GAREM1: variants seen among roughly 807,000 people sequenced by gnomAD.
GAREM1 encodes GRB2-associated and regulator of MAPK protein 1.
A neutral mutation model predicts 71.3 loss-of-function variants in GAREM1; 26 were observed. The ratio of observed to expected loss-of-function variants is 0.36; its 90% CI spans 0.27 to 0.51. The LOEUF is 0.51. GAREM1 is among the 20% of genes least tolerant of loss of function. The pLI is 0.95. For synonymous variants in GAREM1, 440 were observed against 433.2 expected (o/e 1.02, Z -0.20); for missense variants, 1,026 against 1,103.1 (o/e 0.93, Z 0.99).
intron 2 of GAREM1, among the ~76,000 whole-genome samples, chr18:32,383,818 G>A (rs62093963): frequency 6.6e-6 from 1 of 151,910 alleles, no homozygotes. Context: ...CAATTTTTGT[G>A]GGTTTTTTTT....
At chr18:32,270,557 A>C (rs2041445720) in intron 4 of GAREM1, among the ~76,000 whole-genome samples, 174 bp from the exon 5 acceptor site, 2 of 152,222 alleles carry the variant, frequency 1.3e-5, no homozygotes, top group South Asian at 4.1e-4. Context: ...AGGCTGCCAG[A>C]GAGCAAATCA....
intron 3 of GAREM1, among the ~76,000 whole-genome samples, chr18:32,302,977 G>A (rs1011869300): frequency 1.3e-5 from 2 of 152,232 alleles, no homozygotes; most frequent in Admixed American, 6.5e-5. Context: ...TGACAAGGCT[G>A]TCACCTCAGC....
chr18:32,385,400 A>G (rs2048136394), intron 2 of GAREM1, among the ~76,000 whole-genome samples: 1 of 151,778 alleles, frequency 6.6e-6, no homozygotes, highest in Non-Finnish European at 1.5e-5. Context: ...TTCAACACTT[A>G]AAAGACTCTT....
intron 1 of GAREM1, among the ~76,000 whole-genome samples, chr18:32,414,695 A>G (rs2048451777): frequency 6.6e-6 from 1 of 152,112 alleles, no homozygotes; most frequent in Non-Finnish European, 1.5e-5. Context: ...ACAACATACT[A>G]AAACCTACGG....
chr18:32,303,864 T>G (rs1468000136), intron 3 of GAREM1, among the ~76,000 whole-genome samples: 1 of 151,136 alleles, frequency 6.6e-6, no homozygotes, highest in East Asian at 1.9e-4. Context: ...AAGGCTGCAA[T>G]GAGCTATGAT....
Position 32,265,404 on chromosome 18 carries a change from C to T in GAREM1, c.*2467G>A, listed in dbSNP as rs759797145. On this transcript the variant is annotated 3_prime_UTR_variant, in exon 6 of 6. Transcript: ENST00000269209. Reference sequence around the variant, plus strand: ...GCTGACGTTTTAAAGACAGGACACACGTAATTCTCCATATACCCAGCTGCC... The same window carrying T: ...GCTGACGTTTTAAAGACAGGACACATGTAATTCTCCATATACCCAGCTGCC... 2.0e-5 allele frequency: 3 copies of T among 152,202 alleles called. No homozygotes were observed. The highest frequency in any genetic ancestry group is 2.1e-4 in the South Asian group (1 of 4,828). The allele number at this position is 152,202 out of a possible 1,614,324, so 9.4% of individuals were successfully genotyped here. A position where few individuals can be genotyped will look rare whatever the true frequency, so the allele number is the denominator to read the frequency against.
At chr18:32,373,609 T>A (rs577858940) in intron 2 of GAREM1, among the ~76,000 whole-genome samples, 16 of 152,306 alleles carry the variant, frequency 1.1e-4, no homozygotes, top group African/African-American at 3.6e-4. Flanking sequence ...AAATAAGGCA[T>A]CTGGAAGAAT....
chr18:32,328,417 T>C (rs1294765004), intron 2 of GAREM1, among the ~76,000 whole-genome samples: 2 of 152,164 alleles, frequency 1.3e-5, no homozygotes, highest in East Asian at 1.9e-4. Flanking sequence ...ACAGAGTAAA[T>C]AAGTAATAGC....
At chr18:32,405,788 T>C (rs1397664864) in intron 1 of GAREM1, among the ~76,000 whole-genome samples, 2 of 152,236 alleles carry the variant, frequency 1.3e-5, no homozygotes, top group East Asian at 1.9e-4. Context: ...AAAGTGAAGA[T>C]AGCACAGCTG....
chr18:32,435,103 G>A (rs1323829386), intron 1 of GAREM1, among the ~76,000 whole-genome samples: 5 of 151,654 alleles, frequency 3.3e-5, no homozygotes, highest in East Asian at 1.9e-4. Context: ...AATCCAAACC[G>A]AATGTCATTC....
chr18:32,376,073 A>G (rs1014496830), intron 2 of GAREM1, among the ~76,000 whole-genome samples: 4 of 152,270 alleles, frequency 2.6e-5, no homozygotes, highest in Non-Finnish European at 5.9e-5. Flanking sequence ...AATTAAAAGT[A>G]TAGTATGGAT....
At chr18:32,466,243 C>T (rs2048997960) in intron 1 of GAREM1, among the ~76,000 whole-genome samples, 1 of 151,646 alleles carries the variant, frequency 6.6e-6, no homozygotes, top group South Asian at 2.1e-4. Context: ...AAATATATTA[C>T]ACTGAGACAG....
Position 32,354,419 on chromosome 18 carries a change from T to C in GAREM1, c.262+38476A>G, listed in dbSNP as rs570593478. Among the ~76,000 whole-genome samples the C allele has an allele frequency of 4.6e-5, 7 of 152,214 alleles. No homozygotes were observed. In the South Asian group the frequency reaches 6.2e-4, roughly 14 times the overall value. ...AATACATGTTAAGAGAAAGGGGAGA[T>C]AGGCTATGGTTAGAACTGGAGTTTT... On this transcript the variant is annotated intron_variant, in intron 2 of 5. Transcript: ENST00000269209.
intron 1 of GAREM1, among the ~76,000 whole-genome samples, chr18:32,461,940 C>T (rs1024899896): frequency 2.0e-5 from 3 of 152,118 alleles, no homozygotes; most frequent in African/African-American, 7.2e-5. Flanking sequence ...AGCTGGTCTA[C>T]AAGAACTTGC....
In GAREM1 at chr18:32,267,828, C is replaced by A. The variant is rs779376585; in HGVS notation, c.*43G>T. On this transcript the variant is annotated 3_prime_UTR_variant, in exon 6 of 6. Transcript: ENST00000269209. ...GTCCCAGCCCACCCCTTCTAGCACACGCATTGATCAGTTTTGTTCCATGCT... is the reference window on the plus strand; with the variant it reads ...GTCCCAGCCCACCCCTTCTAGCACAAGCATTGATCAGTTTTGTTCCATGCT... 2 of 1,509,598 alleles carry A rather than the reference C, an allele frequency of 1.3e-6. No individual in the cohort carries two copies. Among genetic ancestry groups the A allele is most frequent in the East Asian group, 4.5e-5 (2 of 44,064 alleles). 93.5% of individuals were successfully genotyped at this position (1,509,598 alleles called of 1,614,324 possible).
chr18:32,301,414 A>G (rs1213027967), intron 3 of GAREM1, among the ~76,000 whole-genome samples: 1 of 152,222 alleles, frequency 6.6e-6, no homozygotes, highest in African/African-American at 2.4e-5. Flanking sequence ...TGAACATGAA[A>G]GAGCCAATCC....
intron 2 of GAREM1, among the ~76,000 whole-genome samples, chr18:32,350,239 G>C (rs935312810): frequency 6.6e-6 from 1 of 152,056 alleles, no homozygotes; most frequent in Non-Finnish European, 1.5e-5. Context: ...TACACATGGA[G>C]ACATGTTTTT....
At chr18:32,421,195 A>G (rs999285459) in intron 1 of GAREM1, among the ~76,000 whole-genome samples, 3 of 152,194 alleles carry the variant, frequency 2.0e-5, no homozygotes, top group African/African-American at 4.8e-5. Flanking sequence ...ACTAATAATA[A>G]TAGTGTCTAC....
intron 2 of GAREM1, among the ~76,000 whole-genome samples, chr18:32,367,946 C>T (rs929712955): frequency 6.6e-6 from 1 of 152,168 alleles, no homozygotes; most frequent in East Asian, 1.9e-4. Flanking sequence ...ATGTTTGAGA[C>T]GTTCACTCCT....
Sources: allele counts gnomAD v4.1 joint callset (sites outside exome capture counted in the v4.1 genomes callset), GRCh38; gene constraint gnomAD v4.1.1; transcripts MANE v1.5; gene names NCBI Gene and HGNC (gene_info 2026-07-23, HGNC 2026-07-21).